The following NLGN1 variants were observed in gnomAD, a reference collection of about 807,000 sequenced individuals.
NLGN1 encodes the protein neuroligin-1.
Under a neutral mutation model 65.5 loss-of-function variants are expected in NLGN1, and 12 were observed. The ratio of observed to expected loss-of-function variants is 0.18; its 90% CI spans 0.12 to 0.30. The LOEUF (loss-of-function observed/expected upper bound fraction) is 0.30, where lower values mean the gene tolerates loss of function less well. Ranked by LOEUF, NLGN1 falls within the 10% of genes least tolerant of loss-of-function variation. NLGN1 has a pLI of 1.00. For missense variants in NLGN1, 750 were observed against 1,007.1 expected (o/e 0.74, Z 3.46); for synonymous variants, 350 against 359.5 (o/e 0.97, Z 0.30).
intron 3 of NLGN1, among the ~76,000 whole-genome samples, chr3:173,754,201 C>A (rs1776757794): frequency 6.6e-6 from 1 of 151,676 alleles, no homozygotes; most frequent in African/African-American, 2.4e-5. Flanking sequence ...TACAGGCCAC[C>A]ATGCCTGGCT....
intron 3 of NLGN1, among the ~76,000 whole-genome samples, chr3:173,637,746 G>T (rs1284171724): frequency 6.6e-6 from 1 of 152,160 alleles, no homozygotes; most frequent in African/African-American, 2.4e-5. Context: ...ATGGGAAGTT[G>T]CATGGGCTAG....
At chr3:173,953,359 T>G in intron 4 of NLGN1, among the ~76,000 whole-genome samples, 1 of 152,182 alleles carries the variant, frequency 6.6e-6, no homozygotes, top group East Asian at 1.9e-4. Flanking sequence ...ATTGATTTTC[T>G]TGCAGAAAAA....
rs291917 is a variant in NLGN1 at position 174,019,744 on chromosome 3, G to A, written c.646+211912G>A. Among the ~76,000 whole-genome samples, 408 of 152,176 alleles carry A rather than the reference G, an allele frequency of 2.7e-3. 1 individual carries two copies. The highest frequency in any genetic ancestry group is 4.5e-3 in the Non-Finnish European group (309 of 67,992). On this transcript the variant is annotated intron_variant, in intron 4 of 6. Coordinates refer to ENST00000457714, the Ensembl canonical transcript of NLGN1. ...ATTATTTTGCTATTAAGAAGAATGG[G>A]AATGGTTACTTTTTATAAAGGGCTT...
At chr3:173,713,467 T>A (rs1769326983) in intron 3 of NLGN1, among the ~76,000 whole-genome samples, 1 of 152,090 alleles carries the variant, frequency 6.6e-6, no homozygotes, top group East Asian at 1.9e-4. Flanking sequence ...AGGAGAAGAA[T>A]GGCACCAAAC....
intron 3 of NLGN1, among the ~76,000 whole-genome samples, chr3:173,620,776 A>T (rs1460552108): frequency 6.6e-6 from 1 of 152,140 alleles, no homozygotes; most frequent in African/African-American, 2.4e-5. Flanking sequence ...AAAGAATCAT[A>T]ACTCTGCAGC....
At chr3:174,282,857 A>AGAT (rs1266809094) in exon 7 of NLGN1, 1 of 152,020 alleles carries the variant, frequency 6.6e-6, no homozygotes, top group Non-Finnish European at 1.5e-5. Flanking sequence ...ATAGTTTATA[A>AGAT]GATAATGCAA....
At chr3:174,185,693 AT>A (rs1731260746) in intron 4 of NLGN1, among the ~76,000 whole-genome samples, 1 of 152,122 alleles carries the variant, frequency 6.6e-6, no homozygotes, top group Admixed American at 6.6e-5. Flanking sequence ...AAAGTAACAA[AT>A]TTAATGGTGT....
At chr3:173,428,653 G>A (rs1237676919) in intron 1 of NLGN1, among the ~76,000 whole-genome samples, 1 of 151,620 alleles carries the variant, frequency 6.6e-6, no homozygotes, top group South Asian at 2.1e-4. Flanking sequence ...TTGTCTTTTA[G>A]TCCTCATACT....
chr3:173,814,727 A>G (rs1718663221), intron 4 of NLGN1, among the ~76,000 whole-genome samples: 1 of 152,184 alleles, frequency 6.6e-6, no homozygotes, highest in African/African-American at 2.4e-5. Flanking sequence ...TCTCTTAGCT[A>G]TTAAGTATAT....
intron 2 of NLGN1, among the ~76,000 whole-genome samples, chr3:173,521,932 A>G (rs1234929920): frequency 2.0e-5 from 3 of 152,182 alleles, no homozygotes; most frequent in Non-Finnish European, 4.4e-5. Context: ...GCATTTTCTT[A>G]AATTAAATTA....
At chr3:174,062,987 GT>G (rs1290687156) in intron 4 of NLGN1, among the ~76,000 whole-genome samples, 2 of 151,994 alleles carry the variant, frequency 1.3e-5, no homozygotes, top group African/African-American at 4.8e-5. Flanking sequence ...CCATCAAACA[GT>G]TCCTTAGAAA....
At chr3:173,633,251 C>G (rs994697368) in intron 3 of NLGN1, among the ~76,000 whole-genome samples, 5 of 152,066 alleles carry the variant, frequency 3.3e-5, no homozygotes, top group African/African-American at 1.2e-4. Flanking sequence ...AGTTTGAAAC[C>G]TTCTGTGGTG....
At chr3:173,984,665 A>C (rs574184685) in intron 4 of NLGN1, among the ~76,000 whole-genome samples, 1 of 152,198 alleles carries the variant, frequency 6.6e-6, no homozygotes, top group Non-Finnish European at 1.5e-5. Context: ...TGTACAAACT[A>C]TGAAGTAGTA....
intron 4 of NLGN1, among the ~76,000 whole-genome samples, chr3:173,923,570 C>A (rs531009589): frequency 6.6e-6 from 1 of 152,130 alleles, no homozygotes; most frequent in South Asian, 2.1e-4. Context: ...TCTTCCAAGA[C>A]AAAGAAATTT....
At chr3:173,803,476 C>T (rs191067716) in intron 3 of NLGN1, among the ~76,000 whole-genome samples, 42 of 151,942 alleles carry the variant, frequency 2.8e-4, no homozygotes, top group African/African-American at 7.7e-4. Context: ...AGCATGGTGG[C>T]GAGCACCTAT....
intron 2 of NLGN1, among the ~76,000 whole-genome samples, chr3:173,505,601 A>G (rs2149076385): frequency 6.6e-6 from 1 of 152,038 alleles, no homozygotes; most frequent in African/African-American, 2.4e-5. Context: ...TTGGAATATT[A>G]CCTCCACCTT....
At chr3:173,789,616 G>T (rs1053868898) in intron 3 of NLGN1, among the ~76,000 whole-genome samples, 1 of 152,142 alleles carries the variant, frequency 6.6e-6, no homozygotes, top group African/African-American at 2.4e-5. Context: ...AGAACCCAAG[G>T]CTTCTGTTAA....
chr3:173,427,748 A>G (rs1466795132), intron 1 of NLGN1, among the ~76,000 whole-genome samples: 1 of 151,828 alleles, frequency 6.6e-6, no homozygotes, highest in Non-Finnish European at 1.5e-5. Context: ...TCTATCCTGG[A>G]GAAGTTCAAT....
chr3:174,151,561 C>T (rs1334226237), intron 4 of NLGN1, among the ~76,000 whole-genome samples: 1 of 131,132 alleles, frequency 7.6e-6, no homozygotes, highest in Non-Finnish European at 1.5e-5. Context: ...CTAATAAAAA[C>T]GTATGACAGA....
Sources: gnomAD v4.1 joint callset for allele counts (sites outside exome capture counted in the v4.1 genomes callset) on GRCh38, gnomAD v4.1.1 for gene constraint, MANE v1.5 for transcripts, NCBI Gene and HGNC (gene_info 2026-07-23, HGNC 2026-07-21) for gene names.